MMP16: variants seen among roughly 807,000 people sequenced by gnomAD.
MMP16 encodes matrix metalloproteinase-16.
In MMP16, 12 loss-of-function variants were observed where a neutral mutation model predicts 67.8. That is an observed-to-expected ratio of 0.18 (90% CI 0.11 to 0.29). The LOEUF (loss-of-function observed/expected upper bound fraction) is 0.29, where lower values mean the gene tolerates loss of function less well. Ranked by LOEUF, MMP16 falls within the 10% of genes least tolerant of loss-of-function variation. MMP16 has a pLI of 1.00. For missense variants in MMP16, 475 were observed against 765.7 expected (o/e 0.62, Z 4.48); for synonymous variants, 249 against 255.9 (o/e 0.97, Z 0.26).
chr8:88,228,785 T>C (rs1245945686), intron 1 of MMP16, among the ~76,000 whole-genome samples: 2 of 151,988 alleles, frequency 1.3e-5, no homozygotes, highest in Non-Finnish European at 2.9e-5. Flanking sequence ...TAAGTAAACT[T>C]TGGAACATTC....
intron 1 of MMP16, among the ~76,000 whole-genome samples, chr8:88,237,678 C>CAA (rs750756275): frequency 0.17 from 2,653 of 15,292 alleles, 43 homozygotes; most frequent in Non-Finnish European, 0.46. Flanking sequence ...ACAACAACAA[C>CAA]AACAAAAAAC....
intron 4 of MMP16, among the ~76,000 whole-genome samples, chr8:88,132,237 C>A (rs1278215777): frequency 1.3e-5 from 2 of 151,652 alleles, no homozygotes; most frequent in African/African-American, 4.8e-5. Flanking sequence ...ACTTGAAAAC[C>A]CTTGGAAAGA....
chr8:88,168,975 T>A (rs1288155230), intron 3 of MMP16, among the ~76,000 whole-genome samples: 2 of 152,042 alleles, frequency 1.3e-5, no homozygotes, highest in African/African-American at 4.8e-5. Flanking sequence ...TTCAAGGAGA[T>A]GGGATTTAGG....
chr8:88,295,556 C>T lies in MMP16; in HGVS notation c.132+31519G>A, dbSNP rs555720791. On this transcript the variant is annotated intron_variant, in intron 1 of 9. Transcript: ENST00000286614. ...TATACTACAGAGGCTGTATCTTATACTCAAAAAAGCAATTTAAGTTAAGTA... is the reference window on the plus strand; with the variant it reads ...TATACTACAGAGGCTGTATCTTATATTCAAAAAAGCAATTTAAGTTAAGTA... Among the ~76,000 whole-genome samples, 4 of 152,268 alleles carry T rather than the reference C, an allele frequency of 2.6e-5. No individual in the cohort carries two copies. In the South Asian group the frequency reaches 8.3e-4, roughly 32 times the overall value.
At chr8:88,182,838 A>G (rs914857471) in intron 3 of MMP16, among the ~76,000 whole-genome samples, 6 of 152,120 alleles carry the variant, frequency 3.9e-5, no homozygotes, top group Admixed American at 2.6e-4. Flanking sequence ...GAATAAATAT[A>G]CAATGGCACA....
intron 4 of MMP16, among the ~76,000 whole-genome samples, chr8:88,141,468 T>C (rs539077037): frequency 2.6e-4 from 39 of 152,322 alleles, no homozygotes; most frequent in African/African-American, 8.4e-4. Flanking sequence ...TGAATCTGTG[T>C]GCCTGCTGTG....
At chr8:88,149,013 G>T (rs1029806303) in intron 4 of MMP16, among the ~76,000 whole-genome samples, 2 of 152,206 alleles carry the variant, frequency 1.3e-5, no homozygotes, top group Non-Finnish European at 2.9e-5. Flanking sequence ...CGCACCGGGC[G>T]CGAGCCAAAG....
At chr8:88,196,436 A>G (rs1809258234) in intron 2 of MMP16, among the ~76,000 whole-genome samples, 1 of 152,174 alleles carries the variant, frequency 6.6e-6, no homozygotes, top group Non-Finnish European at 1.5e-5. Context: ...ATAAGAATTA[A>G]GCTCCTTTGA....
chr8:88,323,108 G>A (rs1286527212), intron 1 of MMP16, among the ~76,000 whole-genome samples: 1 of 152,118 alleles, frequency 6.6e-6, no homozygotes, highest in African/African-American at 2.4e-5. Context: ...ATATTCAGGA[G>A]ACAACCTTTA....
chr8:88,196,045 G>C (rs1454746777), intron 2 of MMP16, among the ~76,000 whole-genome samples: 1 of 152,160 alleles, frequency 6.6e-6, no homozygotes, highest in Admixed American at 6.6e-5. Flanking sequence ...GGTTTAAAAA[G>C]AAAAACAGTA....
intron 1 of MMP16, among the ~76,000 whole-genome samples, chr8:88,231,059 T>C (rs1809852365): frequency 6.6e-6 from 1 of 152,208 alleles, no homozygotes; most frequent in Non-Finnish European, 1.5e-5. Context: ...ATGGGCAATA[T>C]ATATGTCAGT....
At chr8:88,053,379 C>T (rs1808293221) in intron 8 of MMP16, among the ~76,000 whole-genome samples, 1 of 152,200 alleles carries the variant, frequency 6.6e-6, no homozygotes, top group Non-Finnish European at 1.5e-5. Flanking sequence ...TTCCACCTTA[C>T]CGCAGTACTC....
At chr8:88,159,889 T>C (rs1197381259) in intron 4 of MMP16, among the ~76,000 whole-genome samples, 5 of 152,176 alleles carry the variant, frequency 3.3e-5, no homozygotes, top group Non-Finnish European at 7.3e-5. Flanking sequence ...ATTGAGATAA[T>C]CATGCGGTTT....
chr8:88,288,654 G>A (rs901878335), intron 1 of MMP16, among the ~76,000 whole-genome samples: 1 of 152,172 alleles, frequency 6.6e-6, no homozygotes, highest in South Asian at 2.1e-4. Flanking sequence ...AGAAATTGAT[G>A]TTGGTGAGAA....
At chr8:88,048,300 C>G (rs1331501569) in intron 8 of MMP16, among the ~76,000 whole-genome samples, 16 of 152,104 alleles carry the variant, frequency 1.1e-4, no homozygotes, top group Admixed American at 1.0e-3. Context: ...GACTCTCATC[C>G]CTTCACAGGC....
chr8:88,032,074 T>C lies in MMP16; in HGVS notation c.*9387A>G, dbSNP rs1454292602. On this transcript the variant is annotated 3_prime_UTR_variant, in exon 10 of 10. Transcript: ENST00000286614. ...TACAACACAATGAATTGATGGTAAA[T>C]ACAGAAGATGCAATAGTATAAAAAG... The C allele has an allele frequency of 1.3e-5, 2 of 152,180 alleles. No homozygotes were observed. Among genetic ancestry groups the C allele is most frequent in the Admixed American group, 6.6e-5 (1 of 15,266 alleles). 9.4% of individuals were successfully genotyped at this position (152,180 alleles called of 1,614,324 possible). A position where few individuals can be genotyped will look rare whatever the true frequency, so the allele number is the denominator to read the frequency against.
chr8:88,127,326 G>A (rs903081851), intron 4 of MMP16, among the ~76,000 whole-genome samples: 7 of 151,780 alleles, frequency 4.6e-5, no homozygotes, highest in African/African-American at 1.7e-4. Context: ...ATTGGAGTAT[G>A]ATGCAATATG....
At chr8:88,146,474 C>G (rs1808291322) in intron 4 of MMP16, among the ~76,000 whole-genome samples, 1 of 151,880 alleles carries the variant, frequency 6.6e-6, no homozygotes, top group Non-Finnish European at 1.5e-5. Flanking sequence ...ATGCCTATAT[C>G]CACATGGAAC....
At chr8:88,199,985 G>T (rs1809316498) in intron 1 of MMP16, among the ~76,000 whole-genome samples, 1 of 151,940 alleles carries the variant, frequency 6.6e-6, no homozygotes. Flanking sequence ...ATTTGTAGGG[G>T]TGATGTTAGG....
Sources: allele counts gnomAD v4.1 joint callset (sites outside exome capture counted in the v4.1 genomes callset), GRCh38; gene constraint gnomAD v4.1.1; transcripts MANE v1.5; gene names NCBI Gene and HGNC (gene_info 2026-07-23, HGNC 2026-07-21).